PRKN: variants seen among roughly 807,000 people sequenced by gnomAD.
The protein encoded by PRKN is parkin RBR E3 ubiquitin protein ligase.
In PRKN, 56 loss-of-function variants were observed where a neutral mutation model predicts 59.5. That is an observed-to-expected ratio of 0.94 (90% CI 0.76 to 1.18). The LOEUF (loss-of-function observed/expected upper bound fraction) is 1.18. Among genes scored for constraint, PRKN ranks in the 50% most tolerant of loss-of-function variants. The pLI is 0.00. For synonymous variants in PRKN, 250 were observed against 222.1 expected, an observed-to-expected ratio of 1.13 and a Z score of -1.12; for missense variants, 657 against 596.4, an observed-to-expected ratio of 1.10 and a Z score of -1.06.
intron 9 of PRKN, among the ~76,000 whole-genome samples, chr6:161,438,572 T>C (rs904983953): frequency 6.6e-6 from 1 of 152,104 alleles, no homozygotes; most frequent in Non-Finnish European, 1.5e-5. Flanking sequence ...TTTAAACTCA[T>C]AGGTTTTCTT....
intron 2 of PRKN, among the ~76,000 whole-genome samples, chr6:162,356,588 A>C (rs977077544): frequency 2.0e-5 from 3 of 151,802 alleles, no homozygotes; most frequent in Non-Finnish European, 4.4e-5. Context: ...AAATCACATA[A>C]AGTTATTTTG....
chr6:162,240,497 ATTAAC>A (rs1778941089), intron 3 of PRKN, among the ~76,000 whole-genome samples: 1 of 152,178 alleles, frequency 6.6e-6, no homozygotes, highest in African/African-American at 2.4e-5. Context: ...ATTAGAAGCA[ATTAAC>A]TTATTTCTAT....
At position 161,592,048 on chromosome 6, in the gene PRKN, T is replaced by C. The variant is rs1045617496; in HGVS notation, c.872-22632A>G. Among the ~76,000 whole-genome samples, 9 of 152,222 alleles carry C rather than the reference T, an allele frequency of 5.9e-5. No individual in the cohort carries two copies. Among genetic ancestry groups the C allele is most frequent in the Admixed American group, 5.9e-4 (9 of 15,278 alleles). On this transcript the variant is annotated intron_variant, in intron 7 of 11. Coordinates refer to ENST00000366898, the MANE Select transcript of PRKN (RefSeq NM_004562.3). The surrounding 1 kb of genome is among the most constrained non-coding windows in gnomAD (Gnocchi z 4.8). ...TATAACCTATGCACATCCTCCCATA[T>C]ACTTAAAATCATCCCTAGATTATGT... is the stretch of plus-strand genomic sequence containing the variant.
Position 161,552,939 on chromosome 6 carries a change from T to C in PRKN, c.934-3936A>G, listed in dbSNP as rs1002170807. On this transcript the variant is annotated intron_variant, in intron 8 of 11. Transcript: ENST00000366898. This position sits in a 1 kb window ranked among gnomAD's most constrained non-coding sequence, Gnocchi z 4.9. Reference sequence around the variant, plus strand: ...CCGAGTAGCTGGGACTACAGGTGTGTACCACCACACCCAGCTAGCTTTTGT... The same window carrying C: ...CCGAGTAGCTGGGACTACAGGTGTGCACCACCACACCCAGCTAGCTTTTGT... Among the ~76,000 whole-genome samples the C allele has an allele frequency of 3.9e-5, 6 of 151,998 alleles. No homozygotes were observed. The highest frequency in any genetic ancestry group is 9.7e-5 in the African/African-American group (4 of 41,404).
intron 1 of PRKN, among the ~76,000 whole-genome samples, chr6:162,671,320 G>A (rs1349298718): frequency 6.6e-6 from 1 of 152,026 alleles, no homozygotes; most frequent in African/African-American, 2.4e-5. Context: ...CCAACATGGT[G>A]AAACCTCGTC....
At chr6:161,628,828 A>G (rs1007744159) in intron 7 of PRKN, among the ~76,000 whole-genome samples, 1 of 152,234 alleles carries the variant, frequency 6.6e-6, no homozygotes, top group Admixed American at 6.5e-5. Context: ...CGTAATAGGC[A>G]GGCCCTTGAG....
rs145942836 is a variant in PRKN, at chr6:162,443,315, C to T, written c.166G>A (p.Val56Met). ...AGKELRNDWT[V>M]QNCDLDQQSI... Reference sequence around the variant, plus strand: ...GGCCGCCAAGGGAGACTCACCTGCACAGTCCAGTCATTCCTCAGCTCCTTC... The same window carrying T: ...GGCCGCCAAGGGAGACTCACCTGCATAGTCCAGTCATTCCTCAGCTCCTTC... The change falls in exon 2 of 12, where the codon GTG becomes ATG. Residue 56 changes from valine (V) to methionine (M), a missense_variant. Transcript: ENST00000366898. The T allele has an allele frequency of 4.3e-6, 7 of 1,612,292 alleles. No homozygotes were observed. Among genetic ancestry groups the T allele is most frequent in the Non-Finnish European group, 5.9e-6 (7 of 1,179,982 alleles).
chr6:161,612,399 A>G (rs1463659602), intron 7 of PRKN, among the ~76,000 whole-genome samples: 1 of 152,180 alleles, frequency 6.6e-6, no homozygotes, highest in East Asian at 1.9e-4. Flanking sequence ...CTCATTTACC[A>G]TTCCAAAAAT....
At chr6:162,040,500 G>A (rs1784024850) in intron 5 of PRKN, among the ~76,000 whole-genome samples, 1 of 150,916 alleles carries the variant, frequency 6.6e-6, no homozygotes, top group Non-Finnish European at 1.5e-5. Flanking sequence ...CTGCCTCTCA[G>A]GTTCAAGCGA....
At chr6:162,563,284 A>G (rs897895945) in intron 1 of PRKN, among the ~76,000 whole-genome samples, 7 of 151,530 alleles carry the variant, frequency 4.6e-5, no homozygotes, top group Non-Finnish European at 1.0e-4. Flanking sequence ...AGCTTCGGCG[A>G]CAGAGCGAGA....
intron 4 of PRKN, among the ~76,000 whole-genome samples, chr6:162,063,848 G>A (rs1194398827): frequency 6.6e-6 from 1 of 152,128 alleles, no homozygotes; most frequent in Non-Finnish European, 1.5e-5. Flanking sequence ...CGCAGCCCTG[G>A]AATTTCTTAT....
At chr6:162,413,367 G>A (rs779359501) in intron 2 of PRKN, among the ~76,000 whole-genome samples, 10 of 152,134 alleles carry the variant, frequency 6.6e-5, no homozygotes, top group Non-Finnish European at 1.2e-4. Context: ...ACATATTTGC[G>A]TTGTGTAGCT....
chr6:161,684,813 G>C (rs1281082002), intron 7 of PRKN, among the ~76,000 whole-genome samples: 1 of 150,680 alleles, frequency 6.6e-6, no homozygotes, highest in Non-Finnish European at 1.5e-5. Flanking sequence ...AAACATTCCT[G>C]TGCAGCATTT....
At position 162,679,861 on chromosome 6, in the gene PRKN, A is replaced by C. The variant is rs567916967; in HGVS notation, c.7+47801T>G. On this transcript the variant is annotated intron_variant, in intron 1 of 11. Transcript: ENST00000366898. ...TGAAACTTTAAAAATGAAGATTATGAGGAAGAACAGGCCAGTGAGGTCAGA... is the reference window on the plus strand; with the variant it reads ...TGAAACTTTAAAAATGAAGATTATGCGGAAGAACAGGCCAGTGAGGTCAGA... 5.9e-5 allele frequency among the ~76,000 whole-genome samples: 9 copies of C among 152,288 alleles called. No homozygotes were observed. In the South Asian group the frequency reaches 1.7e-3, roughly 28 times the overall value.
chr6:161,462,499 T>C lies in PRKN; in HGVS notation c.1084-75622A>G, dbSNP rs1790267866. On this transcript the variant is annotated intron_variant, in intron 9 of 11. Transcript: ENST00000366898. This position sits in a 1 kb window ranked among gnomAD's most constrained non-coding sequence, Gnocchi z 4.5. ...AGCAAAGATAAGATGGTTAGTATGTTTGACCAGTCATTAAAATGTGTGTCT... is the reference window on the plus strand; with the variant it reads ...AGCAAAGATAAGATGGTTAGTATGTCTGACCAGTCATTAAAATGTGTGTCT... 6.6e-6 allele frequency among the ~76,000 whole-genome samples: 1 copy of C among 152,208 alleles called. No homozygotes were observed. Among genetic ancestry groups the C allele is most frequent in the South Asian group, 2.1e-4 (1 of 4,830 alleles).
intron 1 of PRKN, among the ~76,000 whole-genome samples, chr6:162,593,692 G>A (rs2128214823): frequency 6.6e-6 from 1 of 152,224 alleles, no homozygotes; most frequent in South Asian, 2.1e-4. Context: ...AAGGGCAACT[G>A]GCTCAAACTC....
chr6:162,239,627 C>T (rs1462208217), intron 3 of PRKN, among the ~76,000 whole-genome samples: 2 of 151,910 alleles, frequency 1.3e-5, no homozygotes, highest in Non-Finnish European at 2.9e-5. Flanking sequence ...GAACCCAGAA[C>T]AAATGGGTGA....
At chr6:161,555,975 A>G (rs1780223440) in intron 8 of PRKN, among the ~76,000 whole-genome samples, 2 of 152,210 alleles carry the variant, frequency 1.3e-5, no homozygotes, top group Non-Finnish European at 2.9e-5. Flanking sequence ...CTATTTTCTC[A>G]TTTGACAACA....
chr6:162,260,823 ATT>A (rs1779858510), intron 3 of PRKN, among the ~76,000 whole-genome samples: 1 of 152,296 alleles, frequency 6.6e-6, no homozygotes, highest in East Asian at 1.9e-4. Context: ...TTTAGTAAGA[ATT>A]TTATTTTGGG....
Sources: allele counts gnomAD v4.1 joint callset (sites outside exome capture counted in the v4.1 genomes callset), GRCh38; gene constraint gnomAD v4.1.1; non-coding constraint Gnocchi (gnomAD v3.1); transcripts MANE v1.5; gene names NCBI Gene and HGNC (gene_info 2026-07-23, HGNC 2026-07-21).